ATRNL1: variants seen among roughly 807,000 people sequenced by gnomAD.
ATRNL1 encodes attractin like 1.
A neutral mutation model predicts 182.7 loss-of-function variants in ATRNL1; 95 were observed. The ratio of observed to expected loss-of-function variants is 0.52; its 90% CI spans 0.44 to 0.62. ATRNL1 has a LOEUF of 0.62. Among genes scored for constraint, ATRNL1 ranks in the 20% least tolerant of loss-of-function variants. The pLI is 0.00. For missense variants in ATRNL1, 1,471 were observed against 1,679.5 expected, an observed-to-expected ratio of 0.88 and a Z score of 2.17; for synonymous variants, 576 against 568.3, an observed-to-expected ratio of 1.01 and a Z score of -0.19.
At chr10:115,201,618 GT>G (rs1686772795) in intron 8 of ATRNL1, among the ~76,000 whole-genome samples, 1 of 152,134 alleles carries the variant, frequency 6.6e-6, no homozygotes, top group Non-Finnish European at 1.5e-5. Context: ...GTACCATGCT[GT>G]TTTGGTTACT....
intron 26 of ATRNL1, among the ~76,000 whole-genome samples, chr10:115,575,740 CT>C (rs1200014558): frequency 2.6e-5 from 4 of 151,824 alleles, no homozygotes; most frequent in East Asian, 1.9e-4. Context: ...AAGCTCTTAC[CT>C]TTTTTTGTGG....
At chr10:115,492,872 T>C (rs1414410996) in intron 24 of ATRNL1, among the ~76,000 whole-genome samples, 1 of 151,926 alleles carries the variant, frequency 6.6e-6, no homozygotes, top group African/African-American at 2.4e-5. Context: ...CTCAGTCTCC[T>C]GACCTTGTGA....
intron 3 of ATRNL1, 115 bp downstream of exon 3, chr10:115,121,927 A>G: frequency 2.0e-6 from 1 of 491,506 alleles, no homozygotes; most frequent in Non-Finnish European, 3.6e-6. Context: ...GTTACATTTC[A>G]CAGATGATTA....
intron 19 of ATRNL1, among the ~76,000 whole-genome samples, chr10:115,336,614 A>G (rs1225844477): frequency 1.3e-5 from 2 of 152,188 alleles, no homozygotes; most frequent in Admixed American, 1.3e-4. Context: ...ATTTAATATA[A>G]AATTGTGGTA....
intron 10 of ATRNL1, among the ~76,000 whole-genome samples, chr10:115,249,622 A>G (rs907390055): frequency 6.6e-6 from 1 of 152,142 alleles, no homozygotes; most frequent in Non-Finnish European, 1.5e-5. Context: ...TTCATAATTA[A>G]TATTTAGTAC....
At chr10:115,559,446 G>GCGCACA (rs1565164999) in intron 26 of ATRNL1, among the ~76,000 whole-genome samples, 3 of 123,148 alleles carry the variant, frequency 2.4e-5, no homozygotes, top group African/African-American at 1.1e-4. Context: ...GTGTGTGTGC[G>GCGCACA]CGCGCGCACG....
At chr10:115,797,128 A>T (rs557552980) in intron 27 of ATRNL1, among the ~76,000 whole-genome samples, 2 of 152,274 alleles carry the variant, frequency 1.3e-5, no homozygotes, top group East Asian at 3.9e-4. Context: ...GTTCCTGTTA[A>T]TGGCAGGAAC....
rs1452631934 is a variant in ATRNL1, at chr10:115,871,457, T to A, written c.4018+23466T>A. Among the ~76,000 whole-genome samples, 73 of 111,994 alleles carry A rather than the reference T, an allele frequency of 6.5e-4. 1 individual carries two copies. The highest frequency in any genetic ancestry group is 1.7e-3 in the African/African-American group (55 of 32,916). The allele number at this position is 111,994 out of a possible 152,430, so 73.5% of individuals were successfully genotyped here. A position where few individuals can be genotyped will look rare whatever the true frequency, so the allele number is the denominator to read the frequency against. Reference sequence around the variant, plus strand: ...TGACAGTACCGGTCCTAGAAAGGCCTGGTCAGATTCTTTGTGTGTGTGTAT... The same window carrying A: ...TGACAGTACCGGTCCTAGAAAGGCCAGGTCAGATTCTTTGTGTGTGTGTAT... On this transcript the variant is annotated intron_variant, in intron 28 of 28. Transcript: ENST00000355044.
At chr10:115,365,242 G>T (rs1856968822) in intron 19 of ATRNL1, among the ~76,000 whole-genome samples, 1 of 152,184 alleles carries the variant, frequency 6.6e-6, no homozygotes, top group Admixed American at 6.5e-5. Flanking sequence ...TCCTGGTTTA[G>T]TCTTGGGAGA....
At chr10:115,592,556 A>G (rs530900737) in intron 26 of ATRNL1, among the ~76,000 whole-genome samples, 1 of 152,292 alleles carries the variant, frequency 6.6e-6, no homozygotes, top group Admixed American at 6.5e-5. Flanking sequence ...AGTCCTAGGT[A>G]GCCACCTCTA....
chr10:115,422,687 TA>T (rs1386129262), intron 20 of ATRNL1, among the ~76,000 whole-genome samples: 2 of 152,116 alleles, frequency 1.3e-5, no homozygotes, highest in African/African-American at 2.4e-5. Context: ...CTTGCAGCTA[TA>T]AAAAAAGAAC....
At chr10:115,270,409 A>AAT (rs71473086) in intron 13 of ATRNL1, among the ~76,000 whole-genome samples, 49,558 of 142,634 alleles carry the variant, frequency 0.35, 9,022 homozygotes, top group African/African-American at 0.44. Context: ...ATTATATATA[A>AAT]ATATAATATA....
chr10:115,203,076 G>A (rs1554892882), intron 8 of ATRNL1, among the ~76,000 whole-genome samples: 1 of 152,028 alleles, frequency 6.6e-6, no homozygotes, highest in Non-Finnish European at 1.5e-5. Context: ...ATCGTTTATT[G>A]GAATAAGAGA....
chr10:115,165,511 A>G (rs1389081938), intron 6 of ATRNL1, 47 bp from the exon 7 acceptor site: 3 of 1,196,836 alleles, frequency 2.5e-6, no homozygotes, highest in African/African-American at 3.1e-5. Context: ...TTAAAAAAAC[A>G]AAAATGAATC....
intron 26 of ATRNL1, among the ~76,000 whole-genome samples, chr10:115,618,347 A>T (rs1420827794): frequency 5.3e-5 from 8 of 151,980 alleles, no homozygotes; most frequent in Non-Finnish European, 2.9e-5. Context: ...TTGTATGTGG[A>T]TGTCTTTATC....
chr10:115,351,742 GTGTTTTGTTTTGTTT>G (rs61367511), intron 19 of ATRNL1, among the ~76,000 whole-genome samples: 1 of 149,742 alleles, frequency 6.7e-6, no homozygotes, highest in African/African-American at 2.5e-5. Context: ...TTCTTTTCTT[GTGTTTTGTTTTGTTT>G]TGTTTTGTTT....
chr10:115,675,201 C>A (rs1555042560), intron 26 of ATRNL1, among the ~76,000 whole-genome samples: 1 of 152,044 alleles, frequency 6.6e-6, no homozygotes, highest in Non-Finnish European at 1.5e-5. Context: ...GGAAAGATAG[C>A]AAAACCTAAT....
intron 26 of ATRNL1, among the ~76,000 whole-genome samples, chr10:115,725,530 TGAG>T (rs1179967684): frequency 2.0e-5 from 3 of 152,172 alleles, no homozygotes; most frequent in Non-Finnish European, 4.4e-5. Context: ...GTTTATATGC[TGAG>T]GAGAACAAAT....
intron 19 of ATRNL1, among the ~76,000 whole-genome samples, chr10:115,370,467 G>T (rs144115571): frequency 0.013 from 1,969 of 152,332 alleles, 36 homozygotes; most frequent in African/African-American, 0.044. Context: ...CCAGGCTGAG[G>T]TGGTCTCAGA....
Sources: gnomAD v4.1 joint callset for allele counts (sites outside exome capture counted in the v4.1 genomes callset) on GRCh38, gnomAD v4.1.1 for gene constraint, MANE v1.5 for transcripts, NCBI Gene and HGNC (gene_info 2026-07-23, HGNC 2026-07-21) for gene names.